Variants in DLG2 observed in about 807,000 individuals in gnomAD.
DLG2 encodes the protein disks large homolog 2.
In DLG2, 45 loss-of-function variants were observed where a neutral mutation model predicts 132.5. The ratio of observed to expected loss-of-function variants is 0.34; its 90% CI spans 0.27 to 0.44. The LOEUF (loss-of-function observed/expected upper bound fraction) is 0.44, where lower values mean the gene tolerates loss of function less well. Among genes scored for constraint, DLG2 ranks in the 20% least tolerant of loss-of-function variants. The pLI is 1.00. For synonymous variants in DLG2, 424 were observed against 419.6 expected, an observed-to-expected ratio of 1.01 and a Z score of -0.13; for missense variants, 1,045 against 1,196.9, an observed-to-expected ratio of 0.87 and a Z score of 1.87.
At chr11:83,868,683 G>T (rs1275656537) in intron 16 of DLG2, among the ~76,000 whole-genome samples, 1 of 151,974 alleles carries the variant, frequency 6.6e-6, no homozygotes, top group African/African-American at 2.4e-5. Context: ...GATAAGCAAA[G>T]GCTCAGATTT....
In DLG2 at chr11:84,229,870, A is replaced by C. The variant is rs146601659; in HGVS notation, c.573+21368T>G. Among the ~76,000 whole-genome samples, 1,500 of 152,364 alleles carry C rather than the reference A, an allele frequency of 9.8e-3. 9 individuals carry two copies. Among genetic ancestry groups the C allele is most frequent in the Non-Finnish European group, 0.016 (1,082 of 68,036 alleles). ...TTAACACATGTAAAGCATGTAAAAC[A>C]GTACCCAGTACTGAGTAAGCACTCA... is the stretch of plus-strand genomic sequence containing the variant. On this transcript the variant is annotated intron_variant, in intron 8 of 27. Transcript: ENST00000376104.
At chr11:84,031,681 C>G (rs1195471111) in intron 11 of DLG2, among the ~76,000 whole-genome samples, 1 of 152,214 alleles carries the variant, frequency 6.6e-6, no homozygotes, top group Non-Finnish European at 1.5e-5. Flanking sequence ...TATGATTTCT[C>G]TGCTCCCTCT....
intron 6 of DLG2, among the ~76,000 whole-genome samples, chr11:85,086,162 G>A (rs546983238): frequency 1.6e-4 from 24 of 151,946 alleles, no homozygotes; most frequent in African/African-American, 5.8e-4. Context: ...TTCCATACTT[G>A]AGATCTCATT....
chr11:84,786,142 T>C (rs2072857361), intron 6 of DLG2, among the ~76,000 whole-genome samples: 1 of 152,166 alleles, frequency 6.6e-6, no homozygotes. Flanking sequence ...TCTGAACTTA[T>C]TCAAATTTTA....
At chr11:83,636,504 A>T (rs1227933353) in intron 18 of DLG2, among the ~76,000 whole-genome samples, 1 of 152,118 alleles carries the variant, frequency 6.6e-6, no homozygotes, top group East Asian at 1.9e-4. Flanking sequence ...CTTTTTTCAA[A>T]ACTAAATATT....
At chr11:84,054,266 G>A (rs141581379) in intron 11 of DLG2, among the ~76,000 whole-genome samples, 5 of 152,154 alleles carry the variant, frequency 3.3e-5, no homozygotes, top group African/African-American at 1.2e-4. Context: ...TATATTAATA[G>A]CTCCTTGGAA....
intron 6 of DLG2, among the ~76,000 whole-genome samples, chr11:84,841,604 T>C (rs1291149853): frequency 6.6e-6 from 1 of 152,014 alleles, no homozygotes; most frequent in East Asian, 1.9e-4. Context: ...TCCATAAATA[T>C]TTATTCTATG....
At chr11:84,259,935 G>C (rs2097530418) in intron 7 of DLG2, among the ~76,000 whole-genome samples, 1 of 152,090 alleles carries the variant, frequency 6.6e-6, no homozygotes, top group African/African-American at 2.4e-5. Flanking sequence ...ATTAAGATTT[G>C]ATAAGTAAAG....
rs1432657055 is a variant in DLG2, at chr11:83,760,113, T to C, written c.1825+26577A>G. On this transcript the variant is annotated intron_variant, in intron 18 of 27. Coordinates refer to ENST00000376104, the MANE Select transcript of DLG2 (RefSeq NM_001142699.3). ...AATTGCTTAATAAACAAACTCAACATCCAAAAGACCCTCAGCTGAGCAATA... is the reference window on the plus strand; with the variant it reads ...AATTGCTTAATAAACAAACTCAACACCCAAAAGACCCTCAGCTGAGCAATA... 1.3e-5 allele frequency among the ~76,000 whole-genome samples: 2 copies of C among 152,186 alleles called. 1 individual carries two copies. Among genetic ancestry groups the C allele is most frequent in the Admixed American group, 1.3e-4 (2 of 15,270 alleles).
At chr11:85,487,127 T>C (rs936233182) in intron 3 of DLG2, among the ~76,000 whole-genome samples, 3 of 150,996 alleles carry the variant, frequency 2.0e-5, no homozygotes, top group Middle Eastern at 3.5e-3. Context: ...ACAATGTATA[T>C]ACAAGATATA....
At chr11:85,268,181 G>C (rs775350339) in intron 4 of DLG2, among the ~76,000 whole-genome samples, 5 of 151,958 alleles carry the variant, frequency 3.3e-5, no homozygotes, top group Admixed American at 6.6e-5. Context: ...AAAATATCTT[G>C]GGCCCCTTCA....
intron 18 of DLG2, among the ~76,000 whole-genome samples, chr11:83,777,244 A>G (rs1039913893): frequency 2.0e-5 from 3 of 152,246 alleles, no homozygotes; most frequent in Non-Finnish European, 4.4e-5. Flanking sequence ...TGAGGAAGCT[A>G]AGAGGAGAAT....
intron 3 of DLG2, among the ~76,000 whole-genome samples, chr11:85,367,713 T>C (rs2084664459): frequency 6.6e-6 from 1 of 152,174 alleles, no homozygotes; most frequent in South Asian, 2.1e-4. Context: ...ACTGAACATA[T>C]ATATACTTAA....
At chr11:84,134,954 T>C (rs559756532) in intron 9 of DLG2, among the ~76,000 whole-genome samples, 1 of 152,132 alleles carries the variant, frequency 6.6e-6, no homozygotes, top group African/African-American at 2.4e-5. Flanking sequence ...ATTGCCATCT[T>C]AGGAGGAAAC....
intron 6 of DLG2, among the ~76,000 whole-genome samples, chr11:84,919,069 G>T (rs1371871186): frequency 6.6e-6 from 1 of 152,042 alleles, no homozygotes; most frequent in Non-Finnish European, 1.5e-5. Flanking sequence ...ACCTAAATGT[G>T]TTTCTAATTA....
At chr11:84,904,108 A>C (rs1169806123) in intron 6 of DLG2, among the ~76,000 whole-genome samples, 1 of 152,140 alleles carries the variant, frequency 6.6e-6, no homozygotes, top group Admixed American at 6.5e-5. Context: ...TTTTAACAAT[A>C]ATTCTTTAAA....
At position 83,850,107 on chromosome 11, in the gene DLG2, C is replaced by T. The variant is rs78028956; in HGVS notation, c.1566-16337G>A. On this transcript the variant is annotated intron_variant, in intron 16 of 27. Transcript: ENST00000376104. Reference sequence around the variant, plus strand: ...CTAATTATAATAACATTCATTCATCCGTAACATTTGGGGTAAGTGTGTGTG... The same window carrying T: ...CTAATTATAATAACATTCATTCATCTGTAACATTTGGGGTAAGTGTGTGTG... Among the ~76,000 whole-genome samples the T allele has an allele frequency of 4.9e-3, 677 of 138,912 alleles. 1 individual carries two copies. The highest frequency in any genetic ancestry group is 7.6e-3 in the Non-Finnish European group (488 of 63,932). 91.1% of individuals were successfully genotyped at this position (138,912 alleles called of 152,430 possible). A position where few individuals can be genotyped will look rare whatever the true frequency, so the allele number is the denominator to read the frequency against.
intron 3 of DLG2, among the ~76,000 whole-genome samples, chr11:85,589,572 C>T (rs548726374): frequency 1.3e-5 from 2 of 152,120 alleles, no homozygotes; most frequent in East Asian, 1.9e-4. Context: ...GGGTGGTTCT[C>T]GGGTTAAATT....
intron 18 of DLG2, among the ~76,000 whole-genome samples, chr11:83,775,521 A>T (rs1384118868): frequency 6.6e-6 from 1 of 152,342 alleles, no homozygotes; most frequent in East Asian, 1.9e-4. Context: ...GAGTTAACAC[A>T]TGCAGAGATT....
Sources: allele counts gnomAD v4.1 joint callset (sites outside exome capture counted in the v4.1 genomes callset), GRCh38; gene constraint gnomAD v4.1.1; transcripts MANE v1.5; gene names NCBI Gene and HGNC (gene_info 2026-07-23, HGNC 2026-07-21).